Variants in CSMD3 observed in about 807,000 individuals in gnomAD.
The protein encoded by CSMD3 is CUB and Sushi multiple domains 3.
CSMD3 carries 177 observed loss-of-function variants against 435.2 expected under a neutral mutation model. That is an observed-to-expected ratio of 0.41 (90% confidence interval 0.36 to 0.46). The LOEUF (loss-of-function observed/expected upper bound fraction) is 0.46, where lower values mean the gene tolerates loss of function less well. Among genes scored for constraint, CSMD3 ranks in the 20% least tolerant of loss-of-function variants. The pLI, the probability that CSMD3 is intolerant of heterozygous loss-of-function variation, is 0.34. For synonymous variants in CSMD3, 1,656 were observed against 1,520.5 expected (o/e 1.09, Z -2.07); for missense variants, 4,265 against 4,504.6 (o/e 0.95, Z 1.52).
At chr8:112,646,475 G>A (rs2074983821) in intron 19 of CSMD3, among the ~76,000 whole-genome samples, 1 of 152,078 alleles carries the variant, frequency 6.6e-6, no homozygotes, top group African/African-American at 2.4e-5. Context: ...TTCAAATAAA[G>A]ACACTTTGTC....
At chr8:113,149,499 A>G (rs1474828216) in intron 4 of CSMD3, among the ~76,000 whole-genome samples, 1 of 151,850 alleles carries the variant, frequency 6.6e-6, no homozygotes, top group Non-Finnish European at 1.5e-5. Context: ...GATACAATGC[A>G]TTATTTTGGT....
At chr8:113,433,407 A>G in intron 1 of CSMD3, among the ~76,000 whole-genome samples, 1 of 152,098 alleles carries the variant, frequency 6.6e-6, no homozygotes, top group East Asian at 1.9e-4. Flanking sequence ...AAAAGGTGCT[A>G]ATGAGTGCCT....
At chr8:113,392,575 A>G (rs1318954544) in intron 1 of CSMD3, among the ~76,000 whole-genome samples, 1 of 152,128 alleles carries the variant, frequency 6.6e-6, no homozygotes, top group Non-Finnish European at 1.5e-5. Context: ...AAGCTAGGAG[A>G]GAAGATTTGG....
intron 1 of CSMD3, among the ~76,000 whole-genome samples, chr8:113,321,963 T>C (rs1385068994): frequency 6.6e-6 from 1 of 152,142 alleles, no homozygotes; most frequent in Non-Finnish European, 1.5e-5. Flanking sequence ...AATTTGGAAA[T>C]ATTATCTCCT....
At chr8:112,626,270 C>T (rs367978166) in intron 22 of CSMD3, among the ~76,000 whole-genome samples, 26 of 152,214 alleles carry the variant, frequency 1.7e-4, no homozygotes, top group African/African-American at 6.3e-4. Context: ...CCACCAAACT[C>T]AAGGCCAGTT....
intron 3 of CSMD3, among the ~76,000 whole-genome samples, chr8:113,261,665 T>G (rs1386074439): frequency 3.3e-5 from 5 of 152,078 alleles, no homozygotes; most frequent in African/African-American, 1.2e-4. Flanking sequence ...CAGTTAAGGG[T>G]GCCATTTCTT....
chr8:113,317,206 C>A (rs1334490539), intron 1 of CSMD3, among the ~76,000 whole-genome samples: 1 of 152,094 alleles, frequency 6.6e-6, no homozygotes, highest in Non-Finnish European at 1.5e-5. Context: ...AATAAAAGGT[C>A]TCTTTTTAAA....
chr8:112,871,500 A>G (rs1344322360), intron 10 of CSMD3, among the ~76,000 whole-genome samples: 1 of 152,152 alleles, frequency 6.6e-6, no homozygotes, highest in Non-Finnish European at 1.5e-5. Flanking sequence ...AGGGAAATGG[A>G]AAAATAGGAA....
At chr8:112,274,308 G>C (rs566348222) in intron 59 of CSMD3, among the ~76,000 whole-genome samples, 18 of 152,244 alleles carry the variant, frequency 1.2e-4, no homozygotes, top group South Asian at 1.0e-3. Flanking sequence ...AAACAAATTA[G>C]TTGAATCCCC....
intron 1 of CSMD3, among the ~76,000 whole-genome samples, chr8:113,425,374 C>T (rs2094630344): frequency 1.3e-5 from 2 of 151,216 alleles, no homozygotes; most frequent in Non-Finnish European, 1.5e-5. Flanking sequence ...TCTTTTTAGG[C>T]CTTTGTGAAA....
At chr8:113,190,477 TG>T (rs1393449386) in intron 3 of CSMD3, among the ~76,000 whole-genome samples, 2 of 151,752 alleles carry the variant, frequency 1.3e-5, no homozygotes, top group African/African-American at 4.8e-5. Flanking sequence ...AGAGTCCATT[TG>T]GGAATGGAAT....
At chr8:112,657,723 C>T (rs186159339) in intron 17 of CSMD3, among the ~76,000 whole-genome samples, 44 of 152,228 alleles carry the variant, frequency 2.9e-4, no homozygotes, top group African/African-American at 9.9e-4. Context: ...CTTGAAGCCT[C>T]GAAAATTCTT....
rs1366614686 is a variant in CSMD3 at position 113,046,209 on chromosome 8, C to G, written c.918-27030G>C. ...CTCAGTCAGGCTGACGCCAACCACA[C>G]GAGGTGCGACCCCAGGTGTGTGAGG... On this transcript the variant is annotated intron_variant, in intron 5 of 70. Transcript: ENST00000297405. Among the ~76,000 whole-genome samples the G allele has an allele frequency of 1.3e-5, 2 of 148,684 alleles. 1 individual carries two copies. The highest frequency in any genetic ancestry group is 3.0e-5 in the Non-Finnish European group (2 of 66,114).
At chr8:112,702,897 A>C (rs2076419483) in intron 13 of CSMD3, among the ~76,000 whole-genome samples, 2 of 152,046 alleles carry the variant, frequency 1.3e-5, no homozygotes, top group South Asian at 4.1e-4. Context: ...CCCTGCTGTC[A>C]ATAGCTAGAG....
At position 113,393,564 on chromosome 8, in the gene CSMD3, A is replaced by C. The variant is rs145146528; in HGVS notation, c.178+43113T>G. 2.9e-3 allele frequency among the ~76,000 whole-genome samples: 438 copies of C among 152,202 alleles called. 6 individuals are homozygous for C. Among genetic ancestry groups the C allele is most frequent in the African/African-American group, 9.4e-3 (391 of 41,560 alleles). ...CAGTCTTCTCAAAGTTACAATGGAC[A>C]AACGGTGCTACTAACAAATCACCAA... On this transcript the variant is annotated intron_variant, in intron 1 of 70. Coordinates refer to ENST00000297405, the MANE Select transcript of CSMD3 (RefSeq NM_198123.2).
chr8:112,866,291 T>G (rs1032104081), intron 10 of CSMD3, among the ~76,000 whole-genome samples: 3 of 152,166 alleles, frequency 2.0e-5, no homozygotes, highest in Non-Finnish European at 2.9e-5. Flanking sequence ...TCAGCTTTTT[T>G]TAACTTGTAA....
intron 32 of CSMD3, among the ~76,000 whole-genome samples, chr8:112,465,366 C>A (rs1046517710): frequency 3.9e-5 from 6 of 152,108 alleles, no homozygotes; most frequent in Non-Finnish European, 8.8e-5. Context: ...GTTTTAACAG[C>A]CTCTCAGCCT....
At chr8:113,116,136 A>G (rs912707819) in intron 4 of CSMD3, among the ~76,000 whole-genome samples, 1 of 152,162 alleles carries the variant, frequency 6.6e-6, no homozygotes, top group South Asian at 2.1e-4. Context: ...CACTAAAAAA[A>G]CATAATTTAT....
In CSMD3 at chr8:112,889,482, C is replaced by G. The variant is rs187187384; in HGVS notation, c.1634-30216G>C. On this transcript the variant is annotated intron_variant, in intron 10 of 70. Transcript: ENST00000297405. Reference sequence around the variant, plus strand: ...AAATGAGGTGATTCACACAGACCAGCCTAGCATTAGTTTATTTCTAGATCT... The same window carrying G: ...AAATGAGGTGATTCACACAGACCAGGCTAGCATTAGTTTATTTCTAGATCT... Among the ~76,000 whole-genome samples the G allele has an allele frequency of 1.7e-4, 26 of 151,774 alleles. 1 individual carries two copies. The highest frequency in any genetic ancestry group is 1.5e-3 in the Admixed American group (23 of 15,200).
Sources: allele counts gnomAD v4.1 joint callset (sites outside exome capture counted in the v4.1 genomes callset), GRCh38; gene constraint gnomAD v4.1.1; transcripts MANE v1.5; gene names NCBI Gene and HGNC (gene_info 2026-07-23, HGNC 2026-07-21).